SGCZ: variants seen among roughly 807,000 people sequenced by gnomAD.
SGCZ encodes sarcoglycan zeta.
In SGCZ, 40 loss-of-function variants were observed where a neutral mutation model predicts 41.3. The observed-to-expected ratio is 0.97, with a 90% confidence interval of 0.75 to 1.26. SGCZ has a LOEUF of 1.26. Among genes scored for constraint, SGCZ ranks in the 50% most tolerant of loss-of-function variants. The pLI, the probability that SGCZ is intolerant of heterozygous loss-of-function variation, is 0.00. For missense variants in SGCZ, 552 were observed against 369.8 expected, an observed-to-expected ratio of 1.49 and a Z score of -4.04; for synonymous variants, 206 against 137.5, an observed-to-expected ratio of 1.50 and a Z score of -3.49.
intron 4 of SGCZ, among the ~76,000 whole-genome samples, chr8:14,202,596 G>A (rs1585227123): frequency 6.6e-6 from 1 of 152,226 alleles, no homozygotes; most frequent in East Asian, 1.9e-4. Context: ...CTAAAGCTAG[G>A]TTGGTATGAG....
At chr8:14,290,092 G>C (rs925733482) in intron 3 of SGCZ, among the ~76,000 whole-genome samples, 1 of 152,004 alleles carries the variant, frequency 6.6e-6, no homozygotes, top group Non-Finnish European at 1.5e-5. Flanking sequence ...TTGACATATG[G>C]GGATTACAAC....
rs1362214808 is a variant in SGCZ, at chr8:14,784,937, AT to A, written c.40-230012del. Among the ~76,000 whole-genome samples the A allele has an allele frequency of 1.8e-3, 211 of 118,944 alleles. 1 individual carries two copies. Among genetic ancestry groups the A allele is most frequent in the African/African-American group, 6.5e-3 (206 of 31,512 alleles). 78.0% of individuals were successfully genotyped at this position (118,944 alleles called of 152,430 possible). A position where few individuals can be genotyped will look rare whatever the true frequency, so the allele number is the denominator to read the frequency against. On this transcript the variant is annotated intron_variant, in intron 1 of 7. Coordinates refer to ENST00000382080, the MANE Select transcript of SGCZ (RefSeq NM_139167.4). ...AAATATATATATATATATATATAAA[AT>A]ATATATATTTTTTATATTATATATA...
chr8:14,090,328 G>T lies in SGCZ; in HGVS notation c.*115C>A. The T allele has an allele frequency of 2.8e-6, 3 of 1,057,728 alleles. No homozygotes were observed. Among genetic ancestry groups the T allele is most frequent in the Non-Finnish European group, 4.0e-6 (3 of 748,792 alleles). The allele number at this position is 1,057,728 out of a possible 1,614,324, so 65.5% of individuals were successfully genotyped here. ...CGAATCCCTGCTCACACTGGAAGTT[G>T]CTCTGTGGACCATTCGAAGAAGCTC... On this transcript the variant is annotated 3_prime_UTR_variant, in exon 8 of 8. Coordinates refer to ENST00000382080, the MANE Select transcript of SGCZ (RefSeq NM_139167.4).
At chr8:14,863,457 TG>T (rs1347765697) in intron 1 of SGCZ, among the ~76,000 whole-genome samples, 1 of 152,096 alleles carries the variant, frequency 6.6e-6, no homozygotes, top group Non-Finnish European at 1.5e-5. Flanking sequence ...CCCAAGCAGC[TG>T]GGACTACAGG....
intron 2 of SGCZ, among the ~76,000 whole-genome samples, chr8:14,447,961 A>C (rs1021893938): frequency 1.3e-5 from 2 of 152,222 alleles, no homozygotes; most frequent in Non-Finnish European, 2.9e-5. Context: ...TCAAGCTCTA[A>C]GAGCCCAAAC....
intron 1 of SGCZ, among the ~76,000 whole-genome samples, chr8:14,740,311 T>A (rs1799163469): frequency 6.6e-6 from 1 of 151,512 alleles, no homozygotes; most frequent in Non-Finnish European, 1.5e-5. Context: ...TCAAGTGACT[T>A]AACAGTGACC....
chr8:14,684,818 C>G (rs1224595785), intron 1 of SGCZ, among the ~76,000 whole-genome samples: 1 of 151,994 alleles, frequency 6.6e-6, no homozygotes, highest in Non-Finnish European at 1.5e-5. Flanking sequence ...CTATTGGTAG[C>G]AGGCCCTTGT....
chr8:14,111,143 G>T (rs1802359659), intron 5 of SGCZ, among the ~76,000 whole-genome samples: 2 of 151,986 alleles, frequency 1.3e-5, no homozygotes, highest in Non-Finnish European at 1.5e-5. Flanking sequence ...TTACTAGTAG[G>T]GTTGTGAGAT....
At chr8:15,021,845 A>G (rs1803260694) in intron 1 of SGCZ, among the ~76,000 whole-genome samples, 1 of 152,160 alleles carries the variant, frequency 6.6e-6, no homozygotes. Context: ...TTCTAGATAC[A>G]CCTTGACCAC....
chr8:14,397,369 T>C (rs7834185), intron 2 of SGCZ, among the ~76,000 whole-genome samples: 25,533 of 152,046 alleles, frequency 0.17, 5,050 homozygotes, highest in African/African-American at 0.48. Context: ...TAAATATTAA[T>C]GCTTCTTATA....
intron 1 of SGCZ, among the ~76,000 whole-genome samples, chr8:14,733,122 A>C (rs10106862): frequency 0.017 from 2,610 of 152,238 alleles, 74 homozygotes; most frequent in African/African-American, 0.06. Flanking sequence ...CACAGCCCAT[A>C]TCTCAAACAG....
intron 1 of SGCZ, among the ~76,000 whole-genome samples, chr8:14,928,200 G>A (rs1799817609): frequency 6.6e-6 from 1 of 152,146 alleles, no homozygotes; most frequent in Admixed American, 6.5e-5. Context: ...TAATGTCAAT[G>A]ACATCATTCA....
intron 1 of SGCZ, among the ~76,000 whole-genome samples, chr8:14,618,884 A>G (rs567777409): frequency 2.0e-5 from 3 of 152,300 alleles, no homozygotes; most frequent in African/African-American, 7.2e-5. Flanking sequence ...TGGCCTAAGC[A>G]AATTAACAAG....
chr8:14,904,961 C>A (rs1302623758), intron 1 of SGCZ, among the ~76,000 whole-genome samples: 2 of 151,826 alleles, frequency 1.3e-5, no homozygotes, highest in Non-Finnish European at 2.9e-5. Flanking sequence ...TATAATGTAT[C>A]TTTGTTATTA....
At chr8:14,698,848 G>A (rs539331342) in intron 1 of SGCZ, among the ~76,000 whole-genome samples, 5 of 151,996 alleles carry the variant, frequency 3.3e-5, no homozygotes, top group African/African-American at 1.2e-4. Flanking sequence ...AAAGTAGTGT[G>A]AACACATGTC....
intron 1 of SGCZ, among the ~76,000 whole-genome samples, chr8:14,901,914 T>A (rs1033617850): frequency 1.3e-5 from 2 of 152,180 alleles, no homozygotes; most frequent in African/African-American, 4.8e-5. Context: ...AAATTGATTC[T>A]TGTTTACATC....
intron 1 of SGCZ, among the ~76,000 whole-genome samples, chr8:14,823,789 C>T (rs1802194552): frequency 6.6e-6 from 1 of 152,048 alleles, no homozygotes; most frequent in African/African-American, 2.4e-5. Context: ...ATGTTTTTTG[C>T]AGCACTGCTC....
At chr8:14,336,608 T>A (rs1312367203) in intron 2 of SGCZ, among the ~76,000 whole-genome samples, 6 of 152,178 alleles carry the variant, frequency 3.9e-5, no homozygotes, top group Non-Finnish European at 8.8e-5. Context: ...TCTGTTATGT[T>A]ATGACTTTTT....
intron 2 of SGCZ, among the ~76,000 whole-genome samples, chr8:14,501,238 C>G (rs1235680260): frequency 1.3e-5 from 2 of 151,678 alleles, no homozygotes; most frequent in African/African-American, 4.8e-5. Flanking sequence ...TATTAACATC[C>G]TTATAATTGC....
Sources: allele counts gnomAD v4.1 joint callset (sites outside exome capture counted in the v4.1 genomes callset), GRCh38; gene constraint gnomAD v4.1.1; transcripts MANE v1.5; gene names NCBI Gene and HGNC (gene_info 2026-07-23, HGNC 2026-07-21).